Variants in GREM2 observed in about 807,000 individuals in gnomAD.
GREM2 encodes the protein gremlin 2, DAN family BMP antagonist, also known as gremlin-2.
A neutral mutation model predicts 14.2 loss-of-function variants in GREM2; 11 were observed. The ratio of observed to expected loss-of-function variants is 0.78; its 90% confidence interval spans 0.49 to 1.28. The LOEUF is 1.28. GREM2 is among the 50% of genes most tolerant of loss of function. The pLI, the probability that GREM2 is intolerant of heterozygous loss-of-function variation, is 0.00. For synonymous variants in GREM2, 98 were observed against 97.6 expected (o/e 1.00, Z -0.02); for missense variants, 210 against 218.5 (o/e 0.96, Z 0.24).
chr1:240,575,483 A>C (rs1679349487), intron 1 of GREM2, among the ~76,000 whole-genome samples: 1 of 151,992 alleles, frequency 6.6e-6, no homozygotes, highest in African/African-American at 2.4e-5. Context: ...GTTCATTCCA[A>C]ATACCACTGT....
chr1:240,547,511 AAAAATATATAT>A (rs1240908578), intron 1 of GREM2, among the ~76,000 whole-genome samples: 2 of 101,286 alleles, frequency 2.0e-5, no homozygotes, highest in African/African-American at 1.0e-4. Flanking sequence ...AAAAAAAAAA[AAAAATATATAT>A]ATATATATAT....
intron 1 of GREM2, among the ~76,000 whole-genome samples, chr1:240,512,023 G>A (rs1677845247): frequency 6.6e-6 from 1 of 152,184 alleles, no homozygotes; most frequent in Non-Finnish European, 1.5e-5. Context: ...AAAAGAACAT[G>A]TGCTTTCCAT....
chr1:240,498,326 GTC>G (rs1358676556), intron 1 of GREM2, among the ~76,000 whole-genome samples: 3 of 152,228 alleles, frequency 2.0e-5, no homozygotes, highest in Non-Finnish European at 4.4e-5. Context: ...GGCGAAGTCA[GTC>G]TCTTCTCTTT....
intron 1 of GREM2, among the ~76,000 whole-genome samples, chr1:240,496,260 C>T (rs990699313): frequency 6.6e-6 from 1 of 152,076 alleles, no homozygotes; most frequent in Admixed American, 6.6e-5. Flanking sequence ...GTCGGACGAG[C>T]CTTTACAAGA....
intron 1 of GREM2, among the ~76,000 whole-genome samples, chr1:240,585,729 C>CAAAAAAAAAA (rs370321961): frequency 7.4e-5 from 5 of 67,830 alleles, no homozygotes; most frequent in Non-Finnish European, 1.0e-4. Flanking sequence ...GACTCCATCT[C>CAAAAAAAAAA]AAAAAAAAAA....
chr1:240,550,547 G>A (rs532322308), intron 1 of GREM2, among the ~76,000 whole-genome samples: 6 of 152,272 alleles, frequency 3.9e-5, no homozygotes, highest in South Asian at 4.1e-4. Context: ...ATTCTGTGCC[G>A]GGGTACTTGG....
chr1:240,493,945 A>C (rs1677337683), intron 1 of GREM2, among the ~76,000 whole-genome samples: 1 of 152,272 alleles, frequency 6.6e-6, no homozygotes, highest in Non-Finnish European at 1.5e-5. Context: ...GGCAGTTAGG[A>C]CTGCACCCCA....
intron 1 of GREM2, among the ~76,000 whole-genome samples, chr1:240,565,457 T>C (rs1195180623): frequency 6.6e-6 from 1 of 152,148 alleles, no homozygotes; most frequent in Non-Finnish European, 1.5e-5. Flanking sequence ...TATGTTTTTA[T>C]CAACTCCAAT....
intron 1 of GREM2, among the ~76,000 whole-genome samples, chr1:240,511,982 C>T (rs1677844360): frequency 6.6e-6 from 1 of 152,162 alleles, no homozygotes. Flanking sequence ...AAGGAGCTGG[C>T]AGACCAGGCA....
At chr1:240,515,857 A>G (rs972201741) in intron 1 of GREM2, among the ~76,000 whole-genome samples, 1 of 152,118 alleles carries the variant, frequency 6.6e-6, no homozygotes, top group Non-Finnish European at 1.5e-5. Flanking sequence ...AACCAACTAT[A>G]TTGTTTGAAC....
chr1:240,521,431 C>T (rs1473211352), intron 1 of GREM2, among the ~76,000 whole-genome samples: 4 of 151,292 alleles, frequency 2.6e-5, no homozygotes, highest in African/African-American at 2.4e-5. Context: ...ATTAGCCGGG[C>T]ATGGTGAGGG....
intron 1 of GREM2, among the ~76,000 whole-genome samples, chr1:240,571,651 T>C (rs541387708): frequency 6.6e-6 from 1 of 152,184 alleles, no homozygotes; most frequent in Admixed American, 6.5e-5. Flanking sequence ...TGAGCCAAGA[T>C]GGCACCATTG....
rs1450879988 is a variant in GREM2 at position 240,599,084 on chromosome 1, CAT to C, written c.-2+12798_-2+12799del. ...AGGAGTTTGAGGCCAGCCTGGCTAA[CAT>C]GGCGAAACCCGATATCTACTAAAAA... On this transcript the variant is annotated intron_variant, in intron 1 of 1. Coordinates refer to ENST00000318160, the MANE Select transcript of GREM2 (RefSeq NM_022469.4). Among the ~76,000 whole-genome samples, 5 of 152,086 alleles carry C rather than the reference CAT, an allele frequency of 3.3e-5. No homozygotes were observed. In the East Asian group the frequency reaches 9.7e-4, roughly 30 times the overall value.
chr1:240,603,954 A>G (rs1442445481), intron 1 of GREM2, among the ~76,000 whole-genome samples: 2 of 151,542 alleles, frequency 1.3e-5, no homozygotes, highest in Non-Finnish European at 2.9e-5. Context: ...GCAGATGTAC[A>G]AGAAACATGG....
chr1:240,538,173 A>G (rs1209205203), intron 1 of GREM2, among the ~76,000 whole-genome samples: 1 of 152,234 alleles, frequency 6.6e-6, no homozygotes, highest in Non-Finnish European at 1.5e-5. Flanking sequence ...CTTATTATCT[A>G]TAAGCTAACC....
chr1:240,573,733 A>G (rs1679304279), intron 1 of GREM2, among the ~76,000 whole-genome samples: 1 of 152,086 alleles, frequency 6.6e-6, no homozygotes, highest in South Asian at 2.1e-4. Context: ...GGACTGTGCT[A>G]TTAATGCTTT....
At chr1:240,610,486 C>A (rs1225937248) in intron 1 of GREM2, among the ~76,000 whole-genome samples, 1 of 152,112 alleles carries the variant, frequency 6.6e-6, no homozygotes, top group African/African-American at 2.4e-5. Flanking sequence ...ACAGAAAGAA[C>A]ATGTTCATCT....
In GREM2 at chr1:240,603,500, C is replaced by G. The variant is rs190696409; in HGVS notation, c.-2+8384G>C. Among the ~76,000 whole-genome samples the G allele has an allele frequency of 3.5e-3, 529 of 152,164 alleles. 1 individual carries two copies. Among genetic ancestry groups the G allele is most frequent in the Non-Finnish European group, 4.2e-3 (287 of 68,000 alleles). ...CATCTCCCATCCATCTCCCATCCAT[C>G]TCCCATCCATCTCCCATCCATCTCC... On this transcript the variant is annotated intron_variant, in intron 1 of 1. Transcript: ENST00000318160.
chr1:240,507,087 G>T (rs1677690425), intron 1 of GREM2, among the ~76,000 whole-genome samples: 1 of 152,208 alleles, frequency 6.6e-6, no homozygotes, highest in Non-Finnish European at 1.5e-5. Context: ...AGGGCAGGGA[G>T]TTTCTATGGC....
Sources: gnomAD v4.1 joint callset for allele counts (sites outside exome capture counted in the v4.1 genomes callset) on GRCh38, gnomAD v4.1.1 for gene constraint, MANE v1.5 for transcripts, NCBI Gene and HGNC (gene_info 2026-07-23, HGNC 2026-07-21) for gene names.